The following LINGO2 variants were observed in gnomAD, a reference collection of about 807,000 sequenced individuals.
LINGO2 encodes the protein leucine-rich repeat and immunoglobulin-like domain-containing nogo receptor-interacting protein 2.
In LINGO2, 14 loss-of-function variants were observed where a neutral mutation model predicts 30.6. The ratio of observed to expected loss-of-function variants is 0.46; its 90% confidence interval spans 0.30 to 0.72. The LOEUF (loss-of-function observed/expected upper bound fraction) is 0.72. Among genes scored for constraint, LINGO2 ranks in the 30% least tolerant of loss-of-function variants. LINGO2 has a pLI of 0.07. For synonymous variants in LINGO2, 317 were observed against 288.5 expected, an observed-to-expected ratio of 1.10 and a Z score of -1.00; for missense variants, 729 against 751.7, an observed-to-expected ratio of 0.97 and a Z score of 0.35.
At chr9:29,209,584 G>T in the LINGO2 span, among the ~76,000 whole-genome samples, 2 of 151,928 alleles carry the variant, frequency 1.3e-5, no homozygotes, top group Admixed American at 6.6e-5. Flanking sequence ...CCATTAGATG[G>T]GTAAGCCTGA....
the LINGO2 span, among the ~76,000 whole-genome samples, chr9:28,880,900 C>T: frequency 5.9e-5 from 9 of 152,162 alleles, no homozygotes; most frequent in African/African-American, 1.2e-4. Context: ...CCTACGTGCA[C>T]ATCCAGCCAT....
chr9:28,878,620 T>C, the LINGO2 span, among the ~76,000 whole-genome samples: 8 of 152,186 alleles, frequency 5.3e-5, no homozygotes, highest in Non-Finnish European at 1.0e-4. Flanking sequence ...TCCAGCAGAA[T>C]ATCAAAAAGC....
the LINGO2 span, among the ~76,000 whole-genome samples, chr9:28,881,619 C>T: frequency 3.5e-5 from 5 of 144,182 alleles, no homozygotes; most frequent in East Asian, 6.1e-4. Flanking sequence ...TTTCAATGTA[C>T]GGTATGGTTT....
chr9:28,792,979 A>C, the LINGO2 span, among the ~76,000 whole-genome samples: 6 of 152,184 alleles, frequency 3.9e-5, no homozygotes, highest in Non-Finnish European at 5.9e-5. Flanking sequence ...GTGGGCAAGA[A>C]AAATAGTCAG....
the LINGO2 span, among the ~76,000 whole-genome samples, chr9:28,716,605 C>G: frequency 1.3e-5 from 2 of 152,040 alleles, no homozygotes; most frequent in African/African-American, 2.4e-5. Flanking sequence ...TTCTGTACAC[C>G]TTGATTTAGT....
chr9:29,143,813 C>T, the LINGO2 span, among the ~76,000 whole-genome samples: 2 of 152,054 alleles, frequency 1.3e-5, no homozygotes, highest in African/African-American at 2.4e-5. Flanking sequence ...ATTGCAATTG[C>T]TTTTGGTGTC....
chr9:28,456,814 C>T (rs1269578624), intron 2 of LINGO2, among the ~76,000 whole-genome samples: 1 of 152,094 alleles, frequency 6.6e-6, no homozygotes, highest in Non-Finnish European at 1.5e-5. Flanking sequence ...TTGGAGAAAA[C>T]TCTTGTGTCG....
chr9:28,055,448 C>T (rs1332547745), intron 4 of LINGO2, among the ~76,000 whole-genome samples: 1 of 152,132 alleles, frequency 6.6e-6, no homozygotes, highest in Non-Finnish European at 1.5e-5. Flanking sequence ...GCATTTGCAG[C>T]AAGTCTGTTT....
At chr9:28,411,973 C>T (rs577308493) in intron 2 of LINGO2, among the ~76,000 whole-genome samples, 2 of 151,888 alleles carry the variant, frequency 1.3e-5, no homozygotes, top group African/African-American at 4.8e-5. Context: ...TTTAGGGGTA[C>T]AAGTGGATTT....
intron 2 of LINGO2, among the ~76,000 whole-genome samples, chr9:28,411,762 C>T (rs1822774210): frequency 6.6e-6 from 1 of 151,984 alleles, no homozygotes; most frequent in African/African-American, 2.4e-5. Flanking sequence ...TCTTGCTTCT[C>T]ATTATTTTGT....
At chr9:28,861,596 A>G in the LINGO2 span, among the ~76,000 whole-genome samples, 12 of 151,244 alleles carry the variant, frequency 7.9e-5, no homozygotes, top group Admixed American at 2.0e-4. Context: ...ATAAAATAAA[A>G]TAAAACAAAA....
At chr9:28,737,935 G>A in the LINGO2 span, among the ~76,000 whole-genome samples, 1 of 152,004 alleles carries the variant, frequency 6.6e-6, no homozygotes. Context: ...ATGGACAATT[G>A]CCGCTAGATT....
the LINGO2 span, among the ~76,000 whole-genome samples, chr9:28,955,831 T>C: frequency 6.6e-6 from 1 of 152,022 alleles, no homozygotes; most frequent in Admixed American, 6.6e-5. Flanking sequence ...TATGTAGAGA[T>C]AAGGTCTTGC....
chr9:28,572,691 A>G (rs1051528597), intron 1 of LINGO2, among the ~76,000 whole-genome samples: 2 of 151,202 alleles, frequency 1.3e-5, no homozygotes, highest in Non-Finnish European at 2.9e-5. Flanking sequence ...TGATTCATTC[A>G]TCCTTTTATG....
intron 4 of LINGO2, among the ~76,000 whole-genome samples, chr9:28,287,102 A>G (rs1823539664): frequency 6.6e-6 from 1 of 152,178 alleles, no homozygotes; most frequent in Non-Finnish European, 1.5e-5. Flanking sequence ...CAAGCACATT[A>G]CAGTTTAGTG....
chr9:28,600,506 G>C (rs556248792), intron 1 of LINGO2, among the ~76,000 whole-genome samples: 4 of 152,114 alleles, frequency 2.6e-5, no homozygotes, highest in African/African-American at 9.7e-5. Flanking sequence ...GCATCTGAGA[G>C]TATCATCTCT....
At chr9:29,104,125 T>C in the LINGO2 span, among the ~76,000 whole-genome samples, 1 of 152,172 alleles carries the variant, frequency 6.6e-6, no homozygotes, top group African/African-American at 2.4e-5. Context: ...CTAGTTGAAT[T>C]ACTTAAATTG....
chr9:28,919,630 A>T, the LINGO2 span, among the ~76,000 whole-genome samples: 1 of 152,152 alleles, frequency 6.6e-6, no homozygotes, highest in Non-Finnish European at 1.5e-5. Context: ...CTAGGGGTGC[A>T]GGCATGGACA....
exon 6 of LINGO2, chr9:27,950,101 C>T (rs1417336115): frequency 6.2e-7 from 1 of 1,613,990 alleles, no homozygotes; most frequent in Admixed American, 1.7e-5. Context: ...GTTGGTACTG[C>T]TGTTAAGTTG....
Sources: gnomAD v4.1 joint callset for allele counts (sites outside exome capture counted in the v4.1 genomes callset) on GRCh38, gnomAD v4.1.1 for gene constraint, MANE v1.5 for transcripts, NCBI Gene and HGNC (gene_info 2026-07-23, HGNC 2026-07-21) for gene names.